JCAD: variants seen among roughly 807,000 people sequenced by gnomAD.
JCAD encodes the protein junctional cadherin 5 associated.
In JCAD, 40 loss-of-function variants were observed where a neutral mutation model predicts 98.0. The ratio of observed to expected loss-of-function variants is 0.41; its 90% CI spans 0.32 to 0.53. The LOEUF (loss-of-function observed/expected upper bound fraction) is 0.53. JCAD is among the 20% of genes least tolerant of loss of function. The pLI is 0.31. For missense variants in JCAD, 1,705 were observed against 1,738.1 expected, an observed-to-expected ratio of 0.98 and a Z score of 0.34; for synonymous variants, 691 against 682.3, an observed-to-expected ratio of 1.01 and a Z score of -0.20.
At chr10:30,095,050 G>A (rs1838346664) in intron 1 of JCAD, among the ~76,000 whole-genome samples, 2 of 152,154 alleles carry the variant, frequency 1.3e-5, no homozygotes, top group Non-Finnish European at 2.9e-5. Flanking sequence ...TCCAGCTAGG[G>A]TGTAGTTCTG....
chr10:30,028,683 C>T lies in JCAD; in HGVS notation c.1465G>A (p.Gly489Ser), dbSNP rs955352952. The T allele has an allele frequency of 8.1e-6, 13 of 1,607,418 alleles. No individual in the cohort carries two copies. The highest frequency in any genetic ancestry group is 3.3e-4 in the Middle Eastern group (2 of 6,038). Residue 489 changes from glycine (G) to serine (S), a missense_variant, in exon 3 of 4, where the codon GGC becomes AGC. Gly to Ser is a moderately conservative substitution (Grantham distance 56). Around this residue, in one of 3 missense-constraint regions of JCAD, gnomAD observed 1,278 missense variants for 1,243.1 expected, o/e 1.03. Coordinates refer to ENST00000375377, the MANE Select transcript of JCAD (RefSeq NM_020848.4). ...SLIPPSGDERGLVLADSSPRW... is the reference protein window; with the variant it reads ...SLIPPSGDERSLVLADSSPRW... ...GGGCTGGAATCGGCCAAGACCAGGC[C>T]TCTCTCATCCCCCGACGGGGGTATT...
At chr10:30,033,105 A>C (rs1409934582) in intron 2 of JCAD, among the ~76,000 whole-genome samples, 1 of 152,252 alleles carries the variant, frequency 6.6e-6, no homozygotes, top group Non-Finnish European at 1.5e-5. Flanking sequence ...AGGCACAGGT[A>C]GGTTAAATGA....
At position 30,014,728 on chromosome 10, in the gene JCAD, G is replaced by T. The variant is rs1207175652; in HGVS notation, c.*3155C>A. ...TTTGCTGCTGCAAAAAATGATCACA[G>T]TCTGGTTTCTGAGTCATCTGAGTTT... On this transcript the variant is annotated 3_prime_UTR_variant, in exon 4 of 4. Coordinates refer to ENST00000375377, the MANE Select transcript of JCAD (RefSeq NM_020848.4). 6.6e-6 allele frequency: 1 copy of T among 152,110 alleles called. No individual in the cohort carries two copies. Among genetic ancestry groups the T allele is most frequent in the African/African-American group, 2.4e-5 (1 of 41,414 alleles). 9.4% of individuals were successfully genotyped at this position (152,110 alleles called of 1,614,324 possible). A position where few individuals can be genotyped will look rare whatever the true frequency, so the allele number is the denominator to read the frequency against.
intron 1 of JCAD, among the ~76,000 whole-genome samples, chr10:30,088,119 G>A (rs547783186): frequency 6.6e-5 from 10 of 152,206 alleles, no homozygotes; most frequent in Non-Finnish European, 1.3e-4. Context: ...GATTACAGGC[G>A]TGAGCCACCA....
intron 1 of JCAD, among the ~76,000 whole-genome samples, chr10:30,078,061 C>T (rs1376014090): frequency 6.6e-6 from 1 of 152,214 alleles, no homozygotes; most frequent in Non-Finnish European, 1.5e-5. Flanking sequence ...TTCTCCATAT[C>T]CCTGCCAATA....
In JCAD at chr10:30,017,856, C is replaced by A. The variant is rs996152761; in HGVS notation, c.*27G>T. On this transcript the variant is annotated 3_prime_UTR_variant, in exon 4 of 4. Transcript: ENST00000375377. Reference sequence around the variant, plus strand: ...CTACTTGAGAATACTCAATTCGCAACGGAATGCAAGCTCCACCGGCATTTC... The same window carrying A: ...CTACTTGAGAATACTCAATTCGCAAAGGAATGCAAGCTCCACCGGCATTTC... 6.2e-7 allele frequency: 1 copy of A among 1,605,110 alleles called. No individual in the cohort carries two copies. Among genetic ancestry groups the A allele is most frequent in the East Asian group, 2.2e-5 (1 of 44,828 alleles).
chr10:30,080,125 T>C (rs984267277), intron 1 of JCAD, among the ~76,000 whole-genome samples: 2 of 152,184 alleles, frequency 1.3e-5, no homozygotes, highest in African/African-American at 4.8e-5. Flanking sequence ...TTTTGTTGAA[T>C]AGTCAGTGAG....
intron 1 of JCAD, among the ~76,000 whole-genome samples, chr10:30,099,212 A>G (rs983571508): frequency 6.6e-6 from 1 of 152,224 alleles, no homozygotes; most frequent in African/African-American, 2.4e-5. Flanking sequence ...TCTTTGAAAC[A>G]TAAGACATCA....
At chr10:30,065,231 A>G (rs1358327238) in intron 2 of JCAD, among the ~76,000 whole-genome samples, 1 of 152,242 alleles carries the variant, frequency 6.6e-6, no homozygotes. Context: ...GTTCATTTCA[A>G]AATAGCTGGA....
chr10:30,030,791 G>A (rs951979928), intron 2 of JCAD, among the ~76,000 whole-genome samples: 11 of 151,922 alleles, frequency 7.2e-5, no homozygotes, highest in Non-Finnish European at 1.6e-4. Context: ...ATCATTGCTG[G>A]TGGTTGTTCA....
At chr10:30,066,149 A>G (rs1461125834) in intron 2 of JCAD, among the ~76,000 whole-genome samples, 1 of 152,226 alleles carries the variant, frequency 6.6e-6, no homozygotes, top group Non-Finnish European at 1.5e-5. Flanking sequence ...GGAGAGTCAC[A>G]TAGCAACATC....
intron 2 of JCAD, among the ~76,000 whole-genome samples, chr10:30,034,929 T>C (rs1293646283): frequency 1.3e-5 from 2 of 152,210 alleles, no homozygotes; most frequent in African/African-American, 2.4e-5. Flanking sequence ...CCTCTGCTCT[T>C]AGGCTGATGG....
intron 1 of JCAD, among the ~76,000 whole-genome samples, chr10:30,105,293 T>C (rs993744162): frequency 3.3e-5 from 5 of 152,120 alleles, no homozygotes; most frequent in African/African-American, 1.2e-4. Flanking sequence ...GTCACCAGCC[T>C]TGCAACTGTG....
intron 1 of JCAD, among the ~76,000 whole-genome samples, chr10:30,109,642 C>T (rs937896432): frequency 6.6e-6 from 1 of 152,192 alleles, no homozygotes; most frequent in Non-Finnish European, 1.5e-5. Flanking sequence ...CTCCAGCCTC[C>T]ATCCCCACAA....
chr10:30,103,630 ACC>A (rs1012661678), intron 1 of JCAD, among the ~76,000 whole-genome samples: 103 of 86,426 alleles, frequency 1.2e-3, no homozygotes, highest in African/African-American at 3.5e-3. Flanking sequence ...ACACACACAC[ACC>A]CACACACACT....
intron 1 of JCAD, among the ~76,000 whole-genome samples, chr10:30,109,321 C>G (rs1287023185): frequency 2.0e-5 from 3 of 152,212 alleles, no homozygotes; most frequent in African/African-American, 7.2e-5. Flanking sequence ...ACCTTTCACT[C>G]TCTTGTTTTC....
intron 1 of JCAD, among the ~76,000 whole-genome samples, chr10:30,107,362 C>G (rs1838604294): frequency 6.6e-6 from 1 of 152,192 alleles, no homozygotes; most frequent in African/African-American, 2.4e-5. Context: ...CCTTGCTGCT[C>G]ATTATATGCT....
intron 1 of JCAD, among the ~76,000 whole-genome samples, chr10:30,107,705 C>A (rs1838611674): frequency 6.6e-6 from 1 of 152,130 alleles, no homozygotes; most frequent in African/African-American, 2.4e-5. Flanking sequence ...TGCATGAGGT[C>A]CAAGAACCCT....
At chr10:30,084,786 T>C (rs972098718) in intron 1 of JCAD, among the ~76,000 whole-genome samples, 1 of 87,408 alleles carries the variant, frequency 1.1e-5, no homozygotes, top group Non-Finnish European at 2.3e-5. Context: ...AATCTGTATC[T>C]ATCTATCTAT....
Sources: allele counts gnomAD v4.1 joint callset (sites outside exome capture counted in the v4.1 genomes callset), GRCh38; gene constraint gnomAD v4.1.1; regional missense constraint gnomAD v4.1.1; transcripts MANE v1.5; gene names NCBI Gene and HGNC (gene_info 2026-07-23, HGNC 2026-07-21).